DTNB: variants seen among roughly 807,000 people sequenced by gnomAD.
The protein encoded by DTNB is DTN-B.
Under a neutral mutation model 90.7 loss-of-function variants are expected in DTNB, and 63 were observed. That is an observed-to-expected ratio of 0.69 (90% CI 0.57 to 0.86). The LOEUF is 0.86. Ranked by LOEUF, DTNB falls within the 40% of genes least tolerant of loss-of-function variation. DTNB has a pLI of 0.00. For synonymous variants in DTNB, 277 were observed against 286.7 expected (o/e 0.97, Z 0.34); for missense variants, 744 against 807.1 (o/e 0.92, Z 0.95).
At chr2:25,565,856 G>A (rs904428981) in intron 8 of DTNB, among the ~76,000 whole-genome samples, 2 of 152,060 alleles carry the variant, frequency 1.3e-5, no homozygotes, top group African/African-American at 2.4e-5. Flanking sequence ...GATTCAAGAC[G>A]TAATAGTCTA....
intron 10 of DTNB, among the ~76,000 whole-genome samples, chr2:25,457,036 G>GT (rs1368078816): frequency 2.0e-5 from 3 of 151,630 alleles, no homozygotes; most frequent in Non-Finnish European, 4.4e-5. Context: ...TTGAGACGGA[G>GT]TATCACTCTG....
At chr2:25,558,577 G>GA (rs1369241941) in intron 8 of DTNB, among the ~76,000 whole-genome samples, 1 of 152,136 alleles carries the variant, frequency 6.6e-6, no homozygotes. Flanking sequence ...GGCTACAGTT[G>GA]AAAAAATGCC....
chr2:25,471,991 G>GAA, intron 10 of DTNB, among the ~76,000 whole-genome samples: 1 of 152,122 alleles, frequency 6.6e-6, no homozygotes, highest in Non-Finnish European at 1.5e-5. Flanking sequence ...TCCCTGCTCT[G>GAA]AATGGAATAA....
At chr2:25,406,105 C>T (rs767057901) in intron 16 of DTNB, among the ~76,000 whole-genome samples, 17 of 151,966 alleles carry the variant, frequency 1.1e-4, no homozygotes, top group African/African-American at 3.6e-4. Flanking sequence ...GCAGGAAATA[C>T]GTGCAGAGGA....
intron 9 of DTNB, among the ~76,000 whole-genome samples, chr2:25,484,276 T>A (rs568659424): frequency 1.3e-5 from 2 of 152,350 alleles, no homozygotes; most frequent in East Asian, 1.9e-4. Context: ...ATCAAAAGCA[T>A]AAAACTGAAG....
At chr2:25,589,953 T>A (rs1370661803) in intron 6 of DTNB, among the ~76,000 whole-genome samples, 1 of 152,020 alleles carries the variant, frequency 6.6e-6, no homozygotes, top group Non-Finnish European at 1.5e-5. Context: ...GAGTGTGGGG[T>A]CCGGCCACTA....
intron 9 of DTNB, among the ~76,000 whole-genome samples, chr2:25,492,668 A>G (rs899245869): frequency 2.6e-5 from 4 of 152,170 alleles, no homozygotes; most frequent in Non-Finnish European, 5.9e-5. Flanking sequence ...ATTTGAGACC[A>G]GCCTGACTCC....
intron 4 of DTNB, among the ~76,000 whole-genome samples, chr2:25,609,697 CACACACACACAA>C (rs1423637147): frequency 2.9e-5 from 4 of 139,042 alleles, no homozygotes; most frequent in Non-Finnish European, 4.6e-5. Context: ...CACACACACA[CACACACACACAA>C]AATTAAAAAT....
At chr2:25,607,125 C>CA (rs1173107122) in intron 5 of DTNB, 111 bp downstream of exon 5, 1 of 1,150,540 alleles carries the variant, frequency 8.7e-7, no homozygotes, top group Non-Finnish European at 1.2e-6. Flanking sequence ...GCGTGAGTGA[C>CA]ATGGTAATTT....
At chr2:25,560,239 T>C (rs889187874) in intron 8 of DTNB, among the ~76,000 whole-genome samples, 2 of 152,208 alleles carry the variant, frequency 1.3e-5, no homozygotes, top group African/African-American at 2.4e-5. Context: ...TGAGACTCCG[T>C]CTCAAAGAAA....
intron 8 of DTNB, among the ~76,000 whole-genome samples, chr2:25,568,316 T>C (rs1226506754): frequency 6.6e-6 from 1 of 152,164 alleles, no homozygotes. Flanking sequence ...ATGGTAAATG[T>C]TATATTACAT....
chr2:25,388,458 T>C, intron 16 of DTNB, 97 bp from the exon 17 acceptor site: 1 of 1,436,458 alleles, frequency 7.0e-7, no homozygotes. Flanking sequence ...AGCCAGCCAG[T>C]GGGCCTCAGT....
chr2:25,385,777 T>G (rs1307629950), intron 18 of DTNB, among the ~76,000 whole-genome samples: 4 of 152,244 alleles, frequency 2.6e-5, no homozygotes, highest in Non-Finnish European at 1.5e-5. Flanking sequence ...CTGCTGAGGA[T>G]TCCTATAAGC....
chr2:25,659,570 C>T (rs958451971), intron 1 of DTNB, among the ~76,000 whole-genome samples: 1 of 151,838 alleles, frequency 6.6e-6, no homozygotes, highest in East Asian at 1.9e-4. Context: ...GGGAAGTTAT[C>T]ACTACAGAAC....
intron 8 of DTNB, among the ~76,000 whole-genome samples, chr2:25,548,849 C>G (rs752940388): frequency 1.3e-5 from 2 of 152,192 alleles, no homozygotes; most frequent in Non-Finnish European, 2.9e-5. Context: ...CCGGGGACAT[C>G]ACTCAGAAAG....
intron 14 of DTNB, among the ~76,000 whole-genome samples, chr2:25,429,519 T>C (rs1434550088): frequency 1.3e-5 from 2 of 152,194 alleles, no homozygotes; most frequent in East Asian, 1.9e-4. Flanking sequence ...AACATCACTG[T>C]CGGGAAGCTG....
intron 8 of DTNB, among the ~76,000 whole-genome samples, chr2:25,568,267 C>T (rs1324452200): frequency 6.6e-6 from 1 of 152,026 alleles, no homozygotes; most frequent in African/African-American, 2.4e-5. Context: ...ATGTGAATGT[C>T]CTTAATGCCA....
intron 3 of DTNB, among the ~76,000 whole-genome samples, chr2:25,632,544 G>A (rs1228614053): frequency 6.6e-6 from 1 of 152,036 alleles, no homozygotes; most frequent in Admixed American, 6.6e-5. Flanking sequence ...ATGGATTAAC[G>A]GACTAATTAA....
chr2:25,537,097 G>T (rs2080001386), intron 8 of DTNB, among the ~76,000 whole-genome samples: 1 of 151,804 alleles, frequency 6.6e-6, no homozygotes, highest in South Asian at 2.1e-4. Flanking sequence ...GCTTCTGAGG[G>T]GTAGGATCTA....
Sources: gnomAD v4.1 joint callset for allele counts (sites outside exome capture counted in the v4.1 genomes callset) on GRCh38, gnomAD v4.1.1 for gene constraint, MANE v1.5 for transcripts, NCBI Gene and HGNC (gene_info 2026-07-23, HGNC 2026-07-21) for gene names.